LRRC4C: variants seen among roughly 807,000 people sequenced by gnomAD.
LRRC4C encodes the protein leucine-rich repeat-containing protein 4C.
LRRC4C carries 5 observed loss-of-function variants against 33.6 expected under a neutral mutation model. The ratio of observed to expected loss-of-function variants is 0.15; its 90% CI spans 0.08 to 0.31. The LOEUF (loss-of-function observed/expected upper bound fraction) is 0.31, where lower values mean the gene tolerates loss of function less well. Ranked by LOEUF, LRRC4C falls within the 10% of genes least tolerant of loss-of-function variation. The probability of loss-of-function intolerance (pLI) is 1.00; values close to 1 mark genes in which losing one functional copy is unlikely to be tolerated. For missense variants in LRRC4C, 560 were observed against 796.7 expected (o/e 0.70, Z 3.58); for synonymous variants, 329 against 302.0 (o/e 1.09, Z -0.93).
chr11:40,675,690 T>C (rs938372169), intron 2 of LRRC4C, among the ~76,000 whole-genome samples: 1 of 152,222 alleles, frequency 6.6e-6, no homozygotes, highest in Admixed American at 6.5e-5. Flanking sequence ...TGGTGCATTG[T>C]AAGTGTATAA....
intron 1 of LRRC4C, among the ~76,000 whole-genome samples, chr11:41,094,583 C>A (rs1940682957): frequency 6.6e-6 from 1 of 152,020 alleles, no homozygotes; most frequent in Admixed American, 6.6e-5. Flanking sequence ...CTTTAATGAT[C>A]CTGTGTGAAT....
chr11:40,192,286 C>G (rs1037240846), intron 5 of LRRC4C, among the ~76,000 whole-genome samples: 1 of 151,896 alleles, frequency 6.6e-6, no homozygotes, highest in African/African-American at 2.4e-5. Flanking sequence ...CCCACTGGGA[C>G]GGGTTAGATA....
chr11:40,775,346 C>A (rs1949945946), intron 2 of LRRC4C, among the ~76,000 whole-genome samples: 1 of 151,824 alleles, frequency 6.6e-6, no homozygotes, highest in Non-Finnish European at 1.5e-5. Context: ...GGAGGCGGAG[C>A]TTGCAGTGAG....
chr11:40,912,481 C>G (rs1956743705), intron 2 of LRRC4C, among the ~76,000 whole-genome samples: 1 of 152,140 alleles, frequency 6.6e-6, no homozygotes, highest in Admixed American at 6.6e-5. Flanking sequence ...AAATCCTTTA[C>G]AGACAAGCAA....
At chr11:40,688,757 G>A (rs1245463920) in intron 2 of LRRC4C, among the ~76,000 whole-genome samples, 3 of 152,102 alleles carry the variant, frequency 2.0e-5, no homozygotes, top group Non-Finnish European at 2.9e-5. Flanking sequence ...TTTAGAAGAC[G>A]TGTTTGATTG....
chr11:41,203,612 T>A (rs994504525), intron 1 of LRRC4C, among the ~76,000 whole-genome samples: 1 of 152,226 alleles, frequency 6.6e-6, no homozygotes, highest in Non-Finnish European at 1.5e-5. Context: ...ATAAAGGTTC[T>A]GAAGCCAGAT....
At chr11:40,513,076 C>A (rs1328439047) in intron 3 of LRRC4C, among the ~76,000 whole-genome samples, 3 of 151,694 alleles carry the variant, frequency 2.0e-5, no homozygotes, top group African/African-American at 7.3e-5. Flanking sequence ...GGTGAAACCC[C>A]GTCTCTACTA....
chr11:41,184,505 T>G (rs943669461), intron 1 of LRRC4C, among the ~76,000 whole-genome samples: 15 of 152,164 alleles, frequency 9.9e-5, no homozygotes, highest in African/African-American at 3.4e-4. Flanking sequence ...TCACTTTTGT[T>G]CCAGTTGCCA....
intron 1 of LRRC4C, among the ~76,000 whole-genome samples, chr11:41,184,296 C>T (rs754972696): frequency 6.6e-6 from 1 of 151,300 alleles, no homozygotes; most frequent in Non-Finnish European, 1.5e-5. Context: ...GCAAATTTTT[C>T]AAACCTTTAT....
intron 3 of LRRC4C, among the ~76,000 whole-genome samples, chr11:40,370,243 C>A (rs116503042): frequency 0.011 from 1,599 of 152,158 alleles, 22 homozygotes; most frequent in African/African-American, 0.037. Context: ...TGCCAGCCAG[C>A]TGGGACTTCA....
intron 3 of LRRC4C, among the ~76,000 whole-genome samples, chr11:40,379,200 G>A (rs1337734219): frequency 2.6e-5 from 4 of 151,952 alleles, no homozygotes; most frequent in East Asian, 1.9e-4. Flanking sequence ...TTTGAGAAGG[G>A]CAACATCTTA....
At chr11:40,847,449 T>C (rs1953241249) in intron 2 of LRRC4C, among the ~76,000 whole-genome samples, 1 of 152,196 alleles carries the variant, frequency 6.6e-6, no homozygotes, top group Non-Finnish European at 1.5e-5. Flanking sequence ...TGGATTATGT[T>C]TGTTGATCTG....
chr11:40,130,163 A>G (rs1475817797), intron 6 of LRRC4C, among the ~76,000 whole-genome samples: 2 of 152,158 alleles, frequency 1.3e-5, no homozygotes, highest in African/African-American at 4.8e-5. Context: ...GAAATGTATA[A>G]CCAGAGAAAA....
chr11:40,358,091 G>A (rs1306038292), intron 3 of LRRC4C, among the ~76,000 whole-genome samples: 1 of 152,014 alleles, frequency 6.6e-6, no homozygotes, highest in Non-Finnish European at 1.5e-5. Flanking sequence ...GTTGAGTCAG[G>A]AGAATTGTTT....
At chr11:40,762,852 G>A (rs1390176131) in intron 2 of LRRC4C, among the ~76,000 whole-genome samples, 1 of 151,586 alleles carries the variant, frequency 6.6e-6, no homozygotes, top group Non-Finnish European at 1.5e-5. Context: ...AAACTCTTTC[G>A]AGATTTACTA....
chr11:40,828,609 C>A (rs555190488), intron 2 of LRRC4C, among the ~76,000 whole-genome samples: 32 of 151,730 alleles, frequency 2.1e-4, no homozygotes, highest in Non-Finnish European at 4.6e-4. Flanking sequence ...TGTGTCCTAC[C>A]ATATTTTAAA....
intron 3 of LRRC4C, among the ~76,000 whole-genome samples, chr11:40,454,630 T>G (rs1365925330): frequency 6.6e-6 from 1 of 152,208 alleles, no homozygotes; most frequent in Admixed American, 6.5e-5. Context: ...TTCTGATCGT[T>G]ATTTTCAATG....
intron 3 of LRRC4C, among the ~76,000 whole-genome samples, chr11:40,343,848 G>C (rs889940107): frequency 6.6e-6 from 1 of 151,676 alleles, no homozygotes; most frequent in Non-Finnish European, 1.5e-5. Flanking sequence ...AATACAAAAA[G>C]GTCTCAGAGA....
intron 1 of LRRC4C, among the ~76,000 whole-genome samples, chr11:41,448,152 C>CTTTTTTTTTTT (rs1955896748): frequency 3.0e-5 from 1 of 33,550 alleles, no homozygotes; most frequent in Non-Finnish European, 8.2e-5. Flanking sequence ...TGGAGCTTTA[C>CTTTTTTTTTTT]TTCATCAGTG....
Sources: gnomAD v4.1 joint callset for allele counts (sites outside exome capture counted in the v4.1 genomes callset) on GRCh38, gnomAD v4.1.1 for gene constraint, MANE v1.5 for transcripts, NCBI Gene and HGNC (gene_info 2026-07-23, HGNC 2026-07-21) for gene names.